SFRP1: variants seen among roughly 807,000 people sequenced by gnomAD.
The protein encoded by SFRP1 is secreted frizzled-related protein 1.
Under a neutral mutation model 25.9 loss-of-function variants are expected in SFRP1, and 9 were observed. The observed-to-expected ratio is 0.35, with a 90% CI of 0.21 to 0.61. The LOEUF is 0.61. Among genes scored for constraint, SFRP1 ranks in the 20% least tolerant of loss-of-function variants. The pLI, the probability that SFRP1 is intolerant of heterozygous loss-of-function variation, is 0.78. For synonymous variants in SFRP1, 178 were observed against 174.0 expected (o/e 1.02, Z -0.18); for missense variants, 346 against 418.2 (o/e 0.83, Z 1.51).
chr8:41,302,592 C>T (rs1376983494), intron 2 of SFRP1, among the ~76,000 whole-genome samples: 1 of 152,196 alleles, frequency 6.6e-6, no homozygotes, highest in Non-Finnish European at 1.5e-5. Context: ...GAAAGTGTGG[C>T]TTGGCCGGAG....
chr8:41,267,366 C>T (rs1196237687), intron 2 of SFRP1, among the ~76,000 whole-genome samples: 3 of 152,240 alleles, frequency 2.0e-5, no homozygotes, highest in Non-Finnish European at 4.4e-5. Flanking sequence ...ACGAAGCAGA[C>T]TGAACACACA....
chr8:41,272,085 A>G (rs967890489), intron 2 of SFRP1, among the ~76,000 whole-genome samples: 2 of 152,260 alleles, frequency 1.3e-5, no homozygotes, highest in East Asian at 1.9e-4. Flanking sequence ...AATTTAAAAT[A>G]TAAGAGAAGA....
chr8:41,304,941 T>C (rs940091568), intron 1 of SFRP1, among the ~76,000 whole-genome samples: 1 of 152,126 alleles, frequency 6.6e-6, no homozygotes, highest in Non-Finnish European at 1.5e-5. Context: ...CAGCAGACGA[T>C]GGCATGACTG....
chr8:41,297,417 G>T (rs1266957314), intron 2 of SFRP1, among the ~76,000 whole-genome samples: 2 of 152,126 alleles, frequency 1.3e-5, no homozygotes, highest in Admixed American at 6.5e-5. Flanking sequence ...ATTAACCAGA[G>T]AATTAACTAG....
intron 2 of SFRP1, among the ~76,000 whole-genome samples, chr8:41,268,913 G>A (rs1015062308): frequency 1.3e-5 from 2 of 152,256 alleles, no homozygotes; most frequent in African/African-American, 4.8e-5. Context: ...AATGGTGGTG[G>A]TGAACAAACA....
At chr8:41,278,568 C>G (rs886836513) in intron 2 of SFRP1, among the ~76,000 whole-genome samples, 2 of 152,218 alleles carry the variant, frequency 1.3e-5, no homozygotes, top group African/African-American at 4.8e-5. Flanking sequence ...GAAGCCCAGA[C>G]CGCACAATGG....
chr8:41,303,683 C>G (rs773165142), intron 1 of SFRP1, 145 bp from the exon 2 acceptor site: 5 of 653,068 alleles, frequency 7.7e-6, no homozygotes, highest in Non-Finnish European at 1.1e-5. Context: ...GAATTGAAAA[C>G]AAGAAGCCTT....
At position 41,308,572 on chromosome 8, in the gene SFRP1, G is replaced by C. The variant is rs765615171; in HGVS notation, c.544+44C>G. On this transcript the variant is annotated intron_variant, in intron 1 of 2. Coordinates refer to ENST00000220772, the MANE Select transcript of SFRP1 (RefSeq NM_003012.5). ...GGGTTCTCCTGCAGCTCCGGCCGGG[G>C]GATGGAGGGGGCGGCTCGCGCACGT... 5 of 1,470,612 alleles carry C rather than the reference G, an allele frequency of 3.4e-6. No homozygotes were observed. In the Admixed American group the frequency reaches 8.0e-5, roughly 24 times the overall value. The allele number at this position is 1,470,612 out of a possible 1,614,324, so 91.1% of individuals were successfully genotyped here.
At chr8:41,294,891 G>A (rs1183684277) in intron 2 of SFRP1, among the ~76,000 whole-genome samples, 1 of 152,116 alleles carries the variant, frequency 6.6e-6, no homozygotes, top group East Asian at 1.9e-4. Flanking sequence ...GAGTTGGGAT[G>A]AGAAGGACCC....
intron 2 of SFRP1, among the ~76,000 whole-genome samples, chr8:41,270,821 C>CAAAAA (rs5891135): frequency 8.1e-6 from 1 of 122,796 alleles, no homozygotes; most frequent in Non-Finnish European, 1.7e-5. Flanking sequence ...GACTCCATCT[C>CAAAAA]AAAAAAAAAA....
chr8:41,272,549 C>A (rs1468050570), intron 2 of SFRP1, among the ~76,000 whole-genome samples: 3 of 152,190 alleles, frequency 2.0e-5, no homozygotes, highest in Non-Finnish European at 4.4e-5. Flanking sequence ...GCAGAGGTTG[C>A]AGTGAGCTGA....
chr8:41,277,306 T>C (rs968872543), intron 2 of SFRP1, among the ~76,000 whole-genome samples: 3 of 150,772 alleles, frequency 2.0e-5, no homozygotes, highest in African/African-American at 7.3e-5. Flanking sequence ...ATTGATTGAA[T>C]CTTGGCTCTG....
intron 2 of SFRP1, among the ~76,000 whole-genome samples, chr8:41,268,456 A>G (rs1407021947): frequency 6.6e-6 from 1 of 152,206 alleles, no homozygotes; most frequent in Non-Finnish European, 1.5e-5. Context: ...CAAATCAAAA[A>G]TTAATGTTCC....
At chr8:41,302,720 G>T (rs1803939273) in intron 2 of SFRP1, among the ~76,000 whole-genome samples, 1 of 152,128 alleles carries the variant, frequency 6.6e-6, no homozygotes, top group Non-Finnish European at 1.5e-5. Flanking sequence ...GTGAATTCAG[G>T]TATTCTGCAG....
At chr8:41,285,519 G>C (rs898136326) in intron 2 of SFRP1, among the ~76,000 whole-genome samples, 85 of 151,230 alleles carry the variant, frequency 5.6e-4, no homozygotes, top group African/African-American at 2.0e-3. Flanking sequence ...AAGAAGTGCA[G>C]CCCCAGCTTA....
chr8:41,278,331 G>C (rs1803595231), intron 2 of SFRP1, among the ~76,000 whole-genome samples: 2 of 152,216 alleles, frequency 1.3e-5, no homozygotes. Context: ...GCAGACCCCA[G>C]CTGACCAATC....
chr8:41,280,859 C>T (rs913020096), intron 2 of SFRP1, among the ~76,000 whole-genome samples: 2 of 152,194 alleles, frequency 1.3e-5, no homozygotes, highest in East Asian at 1.9e-4. Flanking sequence ...CATTCTGGAG[C>T]GCCTGCCCCA....
chr8:41,287,722 T>C (rs1651954625), intron 2 of SFRP1, among the ~76,000 whole-genome samples: 2 of 152,230 alleles, frequency 1.3e-5, no homozygotes, highest in Admixed American at 6.5e-5. Flanking sequence ...GAGAAATACA[T>C]TACCATTACT....
At chr8:41,275,807 C>T (rs1258963764) in intron 2 of SFRP1, among the ~76,000 whole-genome samples, 2 of 152,296 alleles carry the variant, frequency 1.3e-5, no homozygotes, top group Admixed American at 6.5e-5. Context: ...AGTGCAGTGG[C>T]GCCATCACAG....
Sources: allele counts gnomAD v4.1 joint callset (sites outside exome capture counted in the v4.1 genomes callset), GRCh38; gene constraint gnomAD v4.1.1; transcripts MANE v1.5; gene names NCBI Gene and HGNC (gene_info 2026-07-23, HGNC 2026-07-21).